MALRD1: variants seen among roughly 807,000 people sequenced by gnomAD.
The protein encoded by MALRD1 is MAM and LDL receptor class A domain containing 1, also known as MAM and LDL-receptor class A domain-containing protein 1.
A neutral mutation model predicts 242.1 loss-of-function variants in MALRD1; 247 were observed. The ratio of observed to expected loss-of-function variants is 1.02; its 90% CI spans 0.92 to 1.13. The LOEUF (loss-of-function observed/expected upper bound fraction) is 1.13. Among genes scored for constraint, MALRD1 ranks in the 50% most tolerant of loss-of-function variants. The pLI, the probability that MALRD1 is intolerant of heterozygous loss-of-function variation, is 0.00. For synonymous variants in MALRD1, 995 were observed against 866.6 expected, an observed-to-expected ratio of 1.15 and a Z score of -2.60; for missense variants, 2,989 against 2,533.1, an observed-to-expected ratio of 1.18 and a Z score of -3.86.
chr10:19,179,997 AG>A (rs1171404618), intron 14 of MALRD1, among the ~76,000 whole-genome samples: 1 of 152,212 alleles, frequency 6.6e-6, no homozygotes, highest in African/African-American at 2.4e-5. Flanking sequence ...AAAAAAAAGA[AG>A]GTTGTCTGTT....
At chr10:19,141,434 A>C (rs1833540142) in intron 10 of MALRD1, among the ~76,000 whole-genome samples, 1 of 152,134 alleles carries the variant, frequency 6.6e-6, no homozygotes, top group South Asian at 2.1e-4. Context: ...TTTGGGAATG[A>C]AAAAGTTCTG....
chr10:19,734,031 G>A (rs1481426843), intron 39 of MALRD1, 126 bp from the exon 40 acceptor site: 2 of 668,080 alleles, frequency 3.0e-6, no homozygotes, highest in East Asian at 2.9e-5. Context: ...AAGAGTCAGG[G>A]ATGTTCTAGT....
At chr10:19,195,669 G>T (rs982850167) in intron 14 of MALRD1, among the ~76,000 whole-genome samples, 2 of 152,092 alleles carry the variant, frequency 1.3e-5, no homozygotes, top group Admixed American at 6.6e-5. Flanking sequence ...TAAAAACTTT[G>T]TACTCATCTT....
intron 21 of MALRD1, among the ~76,000 whole-genome samples, chr10:19,304,273 T>G (rs1199720145): frequency 6.6e-6 from 1 of 151,666 alleles, no homozygotes; most frequent in Non-Finnish European, 1.5e-5. Flanking sequence ...TGGCATATCG[T>G]GGAACTTCTC....
chr10:19,482,190 G>T (rs929399824), intron 29 of MALRD1, among the ~76,000 whole-genome samples: 1 of 151,982 alleles, frequency 6.6e-6, no homozygotes, highest in South Asian at 2.1e-4. Flanking sequence ...CTACATATTT[G>T]CACTGCTCAA....
At chr10:19,274,722 C>T (rs1346618001) in intron 19 of MALRD1, among the ~76,000 whole-genome samples, 1 of 152,076 alleles carries the variant, frequency 6.6e-6, no homozygotes, top group Non-Finnish European at 1.5e-5. Flanking sequence ...ATAAGCCAGT[C>T]AGGAAAGTAC....
At chr10:19,126,557 A>G (rs866845720) in intron 7 of MALRD1, among the ~76,000 whole-genome samples, 39 of 152,010 alleles carry the variant, frequency 2.6e-4, no homozygotes, top group Middle Eastern at 3.4e-3. Flanking sequence ...ATATTTTCTT[A>G]TTTATTTCCT....
At chr10:19,593,512 A>G (rs1008026519) in intron 33 of MALRD1, among the ~76,000 whole-genome samples, 6 of 152,246 alleles carry the variant, frequency 3.9e-5, no homozygotes, top group African/African-American at 1.2e-4. Flanking sequence ...TAAAATGTCA[A>G]GAAAACAAAC....
intron 29 of MALRD1, among the ~76,000 whole-genome samples, chr10:19,481,402 G>A (rs1836988820): frequency 6.6e-6 from 1 of 152,120 alleles, no homozygotes; most frequent in Non-Finnish European, 1.5e-5. Context: ...TCTATTATGT[G>A]TATGTTCTAG....
chr10:19,535,961 A>G (rs1834655163), intron 32 of MALRD1, among the ~76,000 whole-genome samples: 1 of 152,194 alleles, frequency 6.6e-6, no homozygotes, highest in South Asian at 2.1e-4. Flanking sequence ...TTCAGAGGCA[A>G]GGGTTTATGA....
At chr10:19,182,279 T>C (rs182308192) in intron 14 of MALRD1, among the ~76,000 whole-genome samples, 15 of 151,518 alleles carry the variant, frequency 9.9e-5, no homozygotes, top group African/African-American at 3.4e-4. Flanking sequence ...TAGTTTCTTA[T>C]CAGTTAGAAT....
intron 21 of MALRD1, among the ~76,000 whole-genome samples, chr10:19,284,184 T>G (rs778782468): frequency 2.0e-5 from 3 of 152,220 alleles, no homozygotes; most frequent in Non-Finnish European, 4.4e-5. Flanking sequence ...TTGAACTTTT[T>G]TCACTTTTGT....
At chr10:19,285,503 C>G (rs377436791) in intron 21 of MALRD1, among the ~76,000 whole-genome samples, 3 of 151,776 alleles carry the variant, frequency 2.0e-5, no homozygotes, top group Non-Finnish European at 4.4e-5. Flanking sequence ...CATTTATTAA[C>G]TAGGGAATCC....
intron 11 of MALRD1, among the ~76,000 whole-genome samples, chr10:19,148,709 A>AGCTG (rs1323940537): frequency 1.3e-5 from 2 of 150,428 alleles, no homozygotes; most frequent in East Asian, 3.9e-4. Context: ...AACTAGGGGC[A>AGCTG]GCTGGTCTCA....
At position 19,165,820 on chromosome 10, in the gene MALRD1, T is replaced by A. The variant is rs560075129; in HGVS notation, c.1830+10T>A. The A allele has an allele frequency of 6.1e-5, 75 of 1,231,432 alleles. No homozygotes were observed. The African/African-American group carries it at 1.1e-3, about 18-fold the overall frequency. The allele number at this position is 1,231,432 out of a possible 1,614,324, so 76.3% of individuals were successfully genotyped here. A position where few individuals can be genotyped will look rare whatever the true frequency, so the allele number is the denominator to read the frequency against. On this transcript the variant is annotated intron_variant, in intron 13 of 39. Transcript: ENST00000454679. ...TACTCTACCTTTTCAGGTAAGCACA[T>A]ACGAAATTAATACAACTCAACAGAA...
chr10:19,152,624 C>G (rs1833984290), intron 11 of MALRD1, among the ~76,000 whole-genome samples: 1 of 152,000 alleles, frequency 6.6e-6, no homozygotes, highest in African/African-American at 2.4e-5. Context: ...GTTTATGTAT[C>G]TGGAAACTTA....
intron 18 of MALRD1, among the ~76,000 whole-genome samples, chr10:19,235,570 C>T (rs1025144346): frequency 9.9e-6 from 1 of 100,908 alleles, no homozygotes; most frequent in Non-Finnish European, 2.0e-5. Context: ...CACCCACACC[C>T]ACACCCACAG....
chr10:19,574,390 A>C (rs1589255386), intron 33 of MALRD1, among the ~76,000 whole-genome samples: 2 of 152,220 alleles, frequency 1.3e-5, no homozygotes, highest in South Asian at 4.1e-4. Flanking sequence ...AAAAGTCACT[A>C]TCAGATGAAT....
chr10:19,478,553 T>C (rs894220454), intron 29 of MALRD1, among the ~76,000 whole-genome samples: 2 of 152,190 alleles, frequency 1.3e-5, no homozygotes, highest in Non-Finnish European at 2.9e-5. Context: ...GGTCCCTTTT[T>C]AATGAGGATT....
Sources: allele counts gnomAD v4.1 joint callset (sites outside exome capture counted in the v4.1 genomes callset), GRCh38; gene constraint gnomAD v4.1.1; transcripts MANE v1.5; gene names NCBI Gene and HGNC (gene_info 2026-07-23, HGNC 2026-07-21).